JARID2: variants seen among roughly 807,000 people sequenced by gnomAD.
JARID2 encodes the protein jumonji and AT-rich interaction domain containing 2, also known as protein Jumonji.
A neutral mutation model predicts 125.6 loss-of-function variants in JARID2; 21 were observed. The observed-to-expected ratio is 0.17, with a 90% CI of 0.12 to 0.24. JARID2 has a LOEUF of 0.24. Ranked by LOEUF, JARID2 falls within the 10% of genes least tolerant of loss-of-function variation. JARID2 has a pLI of 1.00. For missense variants in JARID2, 1,303 were observed against 1,639.6 expected, an observed-to-expected ratio of 0.79 and a Z score of 3.55; for synonymous variants, 736 against 661.6, an observed-to-expected ratio of 1.11 and a Z score of -1.73.
intron 5 of JARID2, among the ~76,000 whole-genome samples, chr6:15,477,890 T>C (rs146469448): frequency 3.3e-5 from 5 of 152,334 alleles, no homozygotes; most frequent in African/African-American, 1.2e-4. Flanking sequence ...CTCAAATGCC[T>C]GGGGCACGAT....
Position 15,468,736 on chromosome 6 carries a change from C to T in JARID2, c.670+18C>T, listed in dbSNP as rs771362670. On this transcript the variant is annotated intron_variant, in intron 5 of 17. Transcript: ENST00000341776. ...CGGGCATGGTAGGTCCACCGTTGAA[C>T]TTGGATAAGAAAAAATCTAAAGCTT... is the stretch of plus-strand genomic sequence containing the variant. 6.3e-7 allele frequency: 1 copy of T among 1,594,778 alleles called. No homozygotes were observed. The highest frequency in any genetic ancestry group is 2.2e-5 in the East Asian group (1 of 44,586).
rs758152741 is a variant in JARID2, at chr6:15,452,048, G to T, written c.366G>T (p.Pro122=). The stretch of plus-strand genomic sequence containing the variant: ...AAAGGAAGTTTGCTCAGTCTCAGCC[G>T]AATAGTCCCAGCACAACTCCAGTAA... The part of the protein sequence containing the change: ...QAQRKFAQSQ[P]NSPSTTPVKI... The change falls in exon 4 of 18, where the codon CCG becomes CCT. Residue 122 remains proline, a synonymous_variant. Coordinates refer to ENST00000341776, the MANE Select transcript of JARID2 (RefSeq NM_004973.4). 6.2e-7 allele frequency: 1 copy of T among 1,613,834 alleles called. No homozygotes were observed. The highest frequency in any genetic ancestry group is 1.3e-5 in the African/African-American group (1 of 74,854).
At chr6:15,264,203 A>T (rs910449978) in intron 1 of JARID2, among the ~76,000 whole-genome samples, 6 of 152,184 alleles carry the variant, frequency 3.9e-5, no homozygotes, top group Non-Finnish European at 8.8e-5. Context: ...CTGTAGGAGC[A>T]CATGTCTTGG....
At position 15,425,077 on chromosome 6, in the gene JARID2, C is replaced by T. The variant is rs188114067; in HGVS notation, c.323+14712C>T. Among the ~76,000 whole-genome samples the T allele has an allele frequency of 2.1e-3, 315 of 152,236 alleles. 1 individual carries two copies. The highest frequency in any genetic ancestry group is 3.6e-3 in the Non-Finnish European group (242 of 68,012). ...CTATACTTGTCTGGGAGACAAGGCTCCCGGTATGTAATACAGACTCAGTAA... is the reference window on the plus strand; with the variant it reads ...CTATACTTGTCTGGGAGACAAGGCTTCCGGTATGTAATACAGACTCAGTAA... On this transcript the variant is annotated intron_variant, in intron 3 of 17. Coordinates refer to ENST00000341776, the MANE Select transcript of JARID2 (RefSeq NM_004973.4).
chr6:15,294,085 A>G (rs981401579), intron 1 of JARID2, among the ~76,000 whole-genome samples: 2 of 152,240 alleles, frequency 1.3e-5, no homozygotes, highest in African/African-American at 4.8e-5. Context: ...TGCCCCTTAT[A>G]GTATGGTCAG....
At chr6:15,309,757 C>T (rs1416929765) in intron 1 of JARID2, among the ~76,000 whole-genome samples, 1 of 151,754 alleles carries the variant, frequency 6.6e-6, no homozygotes, top group Non-Finnish European at 1.5e-5. Context: ...CTAATCCACA[C>T]TGAGGGATGA....
At chr6:15,293,839 T>C (rs1761313393) in intron 1 of JARID2, among the ~76,000 whole-genome samples, 1 of 152,250 alleles carries the variant, frequency 6.6e-6, no homozygotes, top group South Asian at 2.1e-4. Context: ...CTCTGCTATA[T>C]TTGTCCTCTG....
intron 3 of JARID2, among the ~76,000 whole-genome samples, chr6:15,429,729 G>A (rs1766890078): frequency 6.6e-6 from 1 of 152,118 alleles, no homozygotes; most frequent in South Asian, 2.1e-4. Context: ...TGAAGTGTTA[G>A]GAAAGAACCG....
intron 14 of JARID2, 63 bp downstream of exon 14, chr6:15,512,453 C>A: frequency 6.7e-7 from 1 of 1,488,538 alleles, no homozygotes; most frequent in South Asian, 1.2e-5. Context: ...CGTGCGTGAG[C>A]GCACACAGAA....
At chr6:15,284,573 C>T (rs1017616892) in intron 1 of JARID2, among the ~76,000 whole-genome samples, 5 of 150,136 alleles carry the variant, frequency 3.3e-5, no homozygotes, top group Non-Finnish European at 5.9e-5. Context: ...TGTAATGGCG[C>T]GATTCCGGGT....
chr6:15,457,043 CTGAGCATTCTG>C lies in JARID2; in HGVS notation c.493+4871_493+4881del, dbSNP rs1274056129. On this transcript the variant is annotated intron_variant, in intron 4 of 17. Transcript: ENST00000341776. ...AATTACCTTGTTTGTGACTATTTTA[CTGAGCATTCTG>C]TGTGCATGTATAATACATATTTTTC... Among the ~76,000 whole-genome samples the C allele has an allele frequency of 1.2e-4, 19 of 152,236 alleles. No homozygotes were observed. The South Asian group carries it at 3.1e-3, about 25-fold the overall frequency.
At chr6:15,513,469 C>T (rs1326319595) in intron 16 of JARID2, 47 bp downstream of exon 16, 3 of 1,531,632 alleles carry the variant, frequency 2.0e-6, no homozygotes, top group South Asian at 1.3e-5. Context: ...AGTGCTTGGC[C>T]TGAGAGCTCC....
intron 1 of JARID2, among the ~76,000 whole-genome samples, chr6:15,325,803 G>A (rs1270854728): frequency 6.6e-6 from 1 of 152,098 alleles, no homozygotes; most frequent in Non-Finnish European, 1.5e-5. Flanking sequence ...TCACAAATGT[G>A]CAGTGGGGCT....
At chr6:15,367,239 A>G (rs1329721351) in intron 1 of JARID2, among the ~76,000 whole-genome samples, 1 of 152,200 alleles carries the variant, frequency 6.6e-6, no homozygotes, top group East Asian at 1.9e-4. Context: ...ATTGATTTTT[A>G]ATTGATCAGA....
chr6:15,251,101 T>G lies in JARID2; in HGVS notation c.45+4517T>G, dbSNP rs147101578. 1.3e-4 allele frequency among the ~76,000 whole-genome samples: 20 copies of G among 152,248 alleles called. No individual in the cohort carries two copies. The East Asian group carries it at 3.9e-3, about 29-fold the overall frequency. On this transcript the variant is annotated intron_variant, in intron 1 of 17. Coordinates refer to ENST00000341776, the MANE Select transcript of JARID2 (RefSeq NM_004973.4). ...GTGGTTCCTCACTGCAACCACTGTC[T>G]TCCGGGTTCAATCGATTCTCCTGTC...
chr6:15,368,114 A>G (rs768749477), intron 1 of JARID2, among the ~76,000 whole-genome samples: 2 of 152,238 alleles, frequency 1.3e-5, no homozygotes, highest in Non-Finnish European at 2.9e-5. Flanking sequence ...TCTGGTTTTT[A>G]AAAGTGTGGA....
Position 15,327,798 on chromosome 6 carries a change from A to G in JARID2, c.46-46319A>G, listed in dbSNP as rs182456406. On this transcript the variant is annotated intron_variant, in intron 1 of 17. Coordinates refer to ENST00000341776, the MANE Select transcript of JARID2 (RefSeq NM_004973.4). ...GGGCTTGGTTGTGACCTGGACTGCA[A>G]CGCGGTCTCTGCTGTCTTTACTTTC... 3.9e-4 allele frequency among the ~76,000 whole-genome samples: 59 copies of G among 152,330 alleles called. 1 individual carries two copies. The East Asian group carries it at 8.3e-3, about 21-fold the overall frequency.
intron 2 of JARID2, among the ~76,000 whole-genome samples, chr6:15,387,695 T>TG (rs1383343039): frequency 3.9e-5 from 6 of 152,290 alleles, no homozygotes; most frequent in African/African-American, 1.4e-4. Context: ...TTTTCTTTCT[T>TG]GCTTGTGTGA....
At chr6:15,309,846 C>T (rs566724188) in intron 1 of JARID2, among the ~76,000 whole-genome samples, 29 of 151,988 alleles carry the variant, frequency 1.9e-4, no homozygotes, top group African/African-American at 6.5e-4. Context: ...AAGTGGAAAG[C>T]CCAGAGGTGA....
Sources: allele counts gnomAD v4.1 joint callset (sites outside exome capture counted in the v4.1 genomes callset), GRCh38; gene constraint gnomAD v4.1.1; transcripts MANE v1.5; gene names NCBI Gene and HGNC (gene_info 2026-07-23, HGNC 2026-07-21).